TENM2: variants seen among roughly 807,000 people sequenced by gnomAD.
TENM2 encodes teneurin-2.
A neutral mutation model predicts 245.2 loss-of-function variants in TENM2; 52 were observed. The observed-to-expected ratio is 0.21, with a 90% confidence interval of 0.17 to 0.27. The LOEUF (loss-of-function observed/expected upper bound fraction) is 0.27. TENM2 is among the 10% of genes least tolerant of loss of function. The pLI, the probability that TENM2 is intolerant of heterozygous loss-of-function variation, is 1.00. For synonymous variants in TENM2, 1,363 were observed against 1,438.9 expected, an observed-to-expected ratio of 0.95 and a Z score of 1.19; for missense variants, 3,046 against 3,666.8, an observed-to-expected ratio of 0.83 and a Z score of 4.37.
the TENM2 span, among the ~76,000 whole-genome samples, chr5:167,253,894 T>C: frequency 1.3e-5 from 2 of 152,126 alleles, no homozygotes; most frequent in African/African-American, 4.8e-5. Flanking sequence ...CTGAAGATTC[T>C]GCTACAACTA....
chr5:167,357,655 T>C lies in TENM2; in HGVS notation c.227-17543T>C, dbSNP rs376649526. ...TAGTCACCACAATTTAATTATTTTA[T>C]GTGAATCAAGGCAAGGCTAGTGAAT... is the stretch of plus-strand genomic sequence containing the variant. On this transcript the variant is annotated intron_variant, in intron 1 of 28. Transcript: ENST00000518659. Among the ~76,000 whole-genome samples, 39 of 152,318 alleles carry C rather than the reference T, an allele frequency of 2.6e-4. 1 individual carries two copies. The highest frequency in any genetic ancestry group is 9.4e-4 in the African/African-American group (39 of 41,574).
intron 2 of TENM2, among the ~76,000 whole-genome samples, chr5:167,683,796 CGA>C (rs1756896895): frequency 6.6e-6 from 1 of 152,134 alleles, no homozygotes; most frequent in Non-Finnish European, 1.5e-5. Flanking sequence ...TAATAACAAT[CGA>C]TCTATGAATG....
intron 13 of TENM2, among the ~76,000 whole-genome samples, chr5:168,170,952 C>G (rs1758764459): frequency 6.6e-6 from 1 of 152,210 alleles, no homozygotes; most frequent in Non-Finnish European, 1.5e-5. Flanking sequence ...TTGTCTCTGA[C>G]CTGTCCTCCC....
intron 1 of TENM2, among the ~76,000 whole-genome samples, chr5:167,364,640 T>G (rs1326272573): frequency 6.6e-6 from 1 of 151,874 alleles, no homozygotes; most frequent in East Asian, 1.9e-4. Flanking sequence ...TTGCTTACAA[T>G]AAAAATAAGA....
At chr5:166,993,281 C>T in the TENM2 span, among the ~76,000 whole-genome samples, 3 of 152,044 alleles carry the variant, frequency 2.0e-5, no homozygotes, top group East Asian at 1.9e-4. Context: ...AGAAAAGGAA[C>T]GCAAGAGCTC....
At chr5:167,648,286 G>C (rs961974441) in intron 2 of TENM2, among the ~76,000 whole-genome samples, 2 of 152,132 alleles carry the variant, frequency 1.3e-5, no homozygotes, top group African/African-American at 4.8e-5. Context: ...AGTGTGTAAT[G>C]CTTTTTCTTT....
intron 2 of TENM2, among the ~76,000 whole-genome samples, chr5:167,420,364 A>G (rs1763430641): frequency 6.6e-6 from 1 of 152,176 alleles, no homozygotes; most frequent in Admixed American, 6.5e-5. Flanking sequence ...TCTCTACTGT[A>G]CTGTGAATGA....
At chr5:167,961,358 T>A (rs1781000125) in intron 4 of TENM2, among the ~76,000 whole-genome samples, 1 of 152,192 alleles carries the variant, frequency 6.6e-6, no homozygotes, top group South Asian at 2.1e-4. Flanking sequence ...TTGATGGTGG[T>A]CTTAAAGGCT....
chr5:167,294,370 CTAA>C (rs1754827488), intron 1 of TENM2: 1 of 151,928 alleles, frequency 6.6e-6, no homozygotes, highest in Non-Finnish European at 1.5e-5. Flanking sequence ...CAGTTGACAG[CTAA>C]TAATTTCATG....
chr5:167,343,743 ACATTAAATTGCTC>A (rs1284503653), intron 1 of TENM2, among the ~76,000 whole-genome samples: 1 of 152,202 alleles, frequency 6.6e-6, no homozygotes, highest in African/African-American at 2.4e-5. Flanking sequence ...AGATCATTAT[ACATTAAATTGCTC>A]TAAGATAATT....
At chr5:167,906,194 T>C (rs570184336) in intron 3 of TENM2, among the ~76,000 whole-genome samples, 1 of 151,984 alleles carries the variant, frequency 6.6e-6, no homozygotes, top group African/African-American at 2.4e-5. Flanking sequence ...TTAAAAAAAA[T>C]AAAATAAAAT....
the TENM2 span, among the ~76,000 whole-genome samples, chr5:167,201,417 A>G: frequency 3.9e-5 from 6 of 152,346 alleles, no homozygotes; most frequent in South Asian, 1.2e-3. Context: ...TAATAACCAG[A>G]AAATAGAGAA....
chr5:167,638,730 C>T (rs1391418498), intron 2 of TENM2, among the ~76,000 whole-genome samples: 1 of 152,200 alleles, frequency 6.6e-6, no homozygotes, highest in Non-Finnish European at 1.5e-5. Flanking sequence ...AATTGGAATA[C>T]ATATTACACA....
At chr5:167,792,542 C>T (rs192750431) in intron 2 of TENM2, among the ~76,000 whole-genome samples, 9 of 152,068 alleles carry the variant, frequency 5.9e-5, no homozygotes, top group South Asian at 4.2e-4. Flanking sequence ...TTGAAGACAA[C>T]GTGTTCTGTC....
At chr5:167,754,747 T>C (rs1357152342) in intron 2 of TENM2, among the ~76,000 whole-genome samples, 1 of 145,126 alleles carries the variant, frequency 6.9e-6, no homozygotes, top group African/African-American at 2.5e-5. Context: ...AAAAAGTCTG[T>C]GTCAAACAAC....
the TENM2 span, among the ~76,000 whole-genome samples, chr5:167,029,672 A>C: frequency 0.013 from 1,920 of 152,298 alleles, 29 homozygotes; most frequent in Non-Finnish European, 0.021. Context: ...GTTGCCAGGG[A>C]CAACAGATGT....
At chr5:167,723,106 A>C (rs983084151) in intron 2 of TENM2, among the ~76,000 whole-genome samples, 3 of 151,684 alleles carry the variant, frequency 2.0e-5, no homozygotes, top group Non-Finnish European at 4.4e-5. Flanking sequence ...CTTTTAAAAA[A>C]ATTAAGGCTA....
At chr5:167,964,839 T>A (rs1323738311) in intron 4 of TENM2, among the ~76,000 whole-genome samples, 1 of 152,222 alleles carries the variant, frequency 6.6e-6, no homozygotes, top group East Asian at 1.9e-4. Flanking sequence ...ATCAAGGCTT[T>A]GGACCATGTT....
chr5:167,072,870 G>T, the TENM2 span, among the ~76,000 whole-genome samples: 3 of 152,228 alleles, frequency 2.0e-5, no homozygotes, highest in African/African-American at 7.2e-5. Context: ...GCAAACATAA[G>T]GTCTGTATAT....
Sources: allele counts gnomAD v4.1 joint callset (sites outside exome capture counted in the v4.1 genomes callset), GRCh38; gene constraint gnomAD v4.1.1; transcripts MANE v1.5; gene names NCBI Gene and HGNC (gene_info 2026-07-23, HGNC 2026-07-21).